Variants in PARD3B observed in about 807,000 individuals in gnomAD.
PARD3B encodes partitioning defective 3 homolog B.
Under a neutral mutation model 130.2 loss-of-function variants are expected in PARD3B, and 103 were observed. That is an observed-to-expected ratio of 0.79 (90% confidence interval 0.67 to 0.93). The LOEUF (loss-of-function observed/expected upper bound fraction) is 0.93. PARD3B is among the 40% of genes least tolerant of loss of function. The pLI, the probability that PARD3B is intolerant of heterozygous loss-of-function variation, is 0.00. For synonymous variants in PARD3B, 583 were observed against 553.2 expected (o/e 1.05, Z -0.76); for missense variants, 1,609 against 1,499.2 (o/e 1.07, Z -1.21).
At chr2:205,013,409 G>A (rs894393841) in intron 3 of PARD3B, among the ~76,000 whole-genome samples, 1 of 152,052 alleles carries the variant, frequency 6.6e-6, no homozygotes, top group Admixed American at 6.6e-5. Flanking sequence ...CTCCTGAGAA[G>A]TGGTATAATT....
At position 204,578,483 on chromosome 2, in the gene PARD3B, G is replaced by C. The variant is rs532327676; in HGVS notation, c.120+32364G>C. Reference sequence around the variant, plus strand: ...TATATTTTTTGTGTGTGTTGTACAAGAGTGACTTCATAAAAGGTGGCTCTT... The same window carrying C: ...TATATTTTTTGTGTGTGTTGTACAACAGTGACTTCATAAAAGGTGGCTCTT... On this transcript the variant is annotated intron_variant, in intron 1 of 22. Coordinates refer to ENST00000406610, the MANE Select transcript of PARD3B (RefSeq NM_001302769.2). Among the ~76,000 whole-genome samples, 13 of 152,298 alleles carry C rather than the reference G, an allele frequency of 8.5e-5. 1 individual carries two copies. In the South Asian group the frequency reaches 1.7e-3, roughly 19 times the overall value.
chr2:205,204,684 A>T lies in PARD3B; in HGVS notation c.2140+11364A>T, dbSNP rs1034587119. Among the ~76,000 whole-genome samples, 4 of 152,284 alleles carry T rather than the reference A, an allele frequency of 2.6e-5. No homozygotes were observed. The East Asian group carries it at 7.7e-4, about 29-fold the overall frequency. ...TCTGCGTGTGGCTAGCAATTTTCCCAACACCATTTATTAAATAGGGAATCC... is the reference window on the plus strand; with the variant it reads ...TCTGCGTGTGGCTAGCAATTTTCCCTACACCATTTATTAAATAGGGAATCC... On this transcript the variant is annotated intron_variant, in intron 15 of 22. Transcript: ENST00000406610.
chr2:205,057,552 T>G (rs917731528), intron 4 of PARD3B, among the ~76,000 whole-genome samples: 1 of 146,224 alleles, frequency 6.8e-6, no homozygotes, highest in Non-Finnish European at 1.5e-5. Flanking sequence ...TATGTGTATA[T>G]GTATATATAC....
Position 204,761,530 on chromosome 2 carries a change from A to G in PARD3B, c.222+75248A>G, listed in dbSNP as rs75482823. 7.3e-3 allele frequency among the ~76,000 whole-genome samples: 1,101 copies of G among 151,860 alleles called. 11 individuals are homozygous for G. Among genetic ancestry groups the G allele is most frequent in the African/African-American group, 0.025 (1,040 of 41,422 alleles). On this transcript the variant is annotated intron_variant, in intron 2 of 22. Transcript: ENST00000406610. Reference sequence around the variant, plus strand: ...ACTTCTGGGTTGGCTATATTTTCCCATTTATTAAATTCACCCATAGTTGTT... The same window carrying G: ...ACTTCTGGGTTGGCTATATTTTCCCGTTTATTAAATTCACCCATAGTTGTT...
chr2:204,763,585 A>G (rs976955207), intron 2 of PARD3B, among the ~76,000 whole-genome samples: 2 of 152,238 alleles, frequency 1.3e-5, no homozygotes, highest in African/African-American at 4.8e-5. Context: ...GCACTTTCTG[A>G]ACTTATTCCA....
chr2:205,132,664 A>G (rs114684916), intron 10 of PARD3B, among the ~76,000 whole-genome samples: 2 of 152,322 alleles, frequency 1.3e-5, no homozygotes, highest in African/African-American at 2.4e-5. Context: ...CTTAAGAACT[A>G]TAAAGAAATA....
chr2:205,143,989 G>C (rs1383990044), intron 10 of PARD3B, among the ~76,000 whole-genome samples: 1 of 152,090 alleles, frequency 6.6e-6, no homozygotes, highest in African/African-American at 2.4e-5. Context: ...GCATCCAGTT[G>C]GTGGATGGGA....
intron 2 of PARD3B, among the ~76,000 whole-genome samples, chr2:204,720,934 A>C (rs1227682014): frequency 6.6e-6 from 1 of 152,112 alleles, no homozygotes; most frequent in Non-Finnish European, 1.5e-5. Context: ...CTAGATTAAT[A>C]TAAGAAGTGT....
intron 21 of PARD3B, among the ~76,000 whole-genome samples, chr2:205,551,883 G>A (rs998813626): frequency 3.9e-5 from 6 of 152,118 alleles, no homozygotes; most frequent in African/African-American, 1.2e-4. Context: ...CTTCCCACCT[G>A]ATAGTCCAAG....
chr2:204,815,737 A>C (rs949352717), intron 2 of PARD3B, among the ~76,000 whole-genome samples: 7 of 152,096 alleles, frequency 4.6e-5, no homozygotes, highest in Admixed American at 4.6e-4. Flanking sequence ...CTCTGTACAA[A>C]GTACTTTCTA....
intron 14 of PARD3B, among the ~76,000 whole-genome samples, chr2:205,186,303 A>G (rs1284078648): frequency 6.6e-6 from 1 of 152,180 alleles, no homozygotes; most frequent in Non-Finnish European, 1.5e-5. Context: ...AAGCAACACC[A>G]TATATAATCT....
At chr2:204,821,997 GA>G (rs1458952507) in intron 2 of PARD3B, among the ~76,000 whole-genome samples, 13 of 152,108 alleles carry the variant, frequency 8.5e-5, no homozygotes. Flanking sequence ...TATTATTTGG[GA>G]AATACATTTC....
rs192529979 is a variant in PARD3B at position 204,727,635 on chromosome 2, G to A, written c.222+41353G>A. On this transcript the variant is annotated intron_variant, in intron 2 of 22. Transcript: ENST00000406610. ...GAAGCCAGAAACAGGCACTCCGAGG[G>A]AGAGGTAAAAGAAACAGGAATTTAT... Among the ~76,000 whole-genome samples, 78 of 152,296 alleles carry A rather than the reference G, an allele frequency of 5.1e-4. 2 individuals are homozygous for A. Among genetic ancestry groups the A allele is most frequent in the Non-Finnish European group, 9.7e-4 (66 of 68,028 alleles).
At position 205,078,372 on chromosome 2, in the gene PARD3B, T is replaced by G. The variant is rs2125504296; in HGVS notation, c.505-26054T>G. Among the ~76,000 whole-genome samples the G allele has an allele frequency of 6.6e-6, 1 of 152,328 alleles. No homozygotes were observed. The highest frequency in any genetic ancestry group is 2.4e-5 in the African/African-American group (1 of 41,590). ...ATAATTTTTATTAATTGTATGGTTTTCCTTTTATGTTTTCAGGTGAGAGTA... is the reference window on the plus strand; with the variant it reads ...ATAATTTTTATTAATTGTATGGTTTGCCTTTTATGTTTTCAGGTGAGAGTA... On this transcript the variant is annotated intron_variant, in intron 4 of 22. Coordinates refer to ENST00000406610, the MANE Select transcript of PARD3B (RefSeq NM_001302769.2). The surrounding 1 kb of genome is among the most constrained non-coding windows in gnomAD (Gnocchi z 4.0).
intron 2 of PARD3B, among the ~76,000 whole-genome samples, chr2:204,811,970 C>G (rs1258240721): frequency 6.6e-6 from 1 of 151,990 alleles, no homozygotes; most frequent in Non-Finnish European, 1.5e-5. Context: ...CATAAAAGTT[C>G]ACCGGAATTA....
At chr2:205,406,043 T>A (rs1408988641) in intron 19 of PARD3B, among the ~76,000 whole-genome samples, 1 of 152,140 alleles carries the variant, frequency 6.6e-6, no homozygotes, top group East Asian at 1.9e-4. Context: ...ATCCCGTGCC[T>A]CTCTCTCACA....
In PARD3B at chr2:205,473,208, C is replaced by T. The variant is rs550395835; in HGVS notation, c.3045-26688C>T. On this transcript the variant is annotated intron_variant, in intron 20 of 22. Transcript: ENST00000406610. The surrounding 1 kb of genome is among the most constrained non-coding windows in gnomAD (Gnocchi z 4.9). ...ATGATAATTCTCCACTGCTAGACCT[C>T]AGAAGACTCTCCCTTTCCCATTAAT... is the stretch of plus-strand genomic sequence containing the variant. Among the ~76,000 whole-genome samples the T allele has an allele frequency of 4.3e-4, 66 of 152,238 alleles. No individual in the cohort carries two copies. The highest frequency in any genetic ancestry group is 1.6e-3 in the African/African-American group (66 of 41,566).
At chr2:205,162,872 CA>C (rs1241661967) in intron 11 of PARD3B, among the ~76,000 whole-genome samples, 3 of 152,108 alleles carry the variant, frequency 2.0e-5, no homozygotes, top group Admixed American at 2.0e-4. Context: ...TTTTTATGTT[CA>C]TTTGCTAAAC....
At chr2:205,156,352 T>C (rs7590062) in intron 10 of PARD3B, among the ~76,000 whole-genome samples, 1 of 151,596 alleles carries the variant, frequency 6.6e-6, no homozygotes, top group Non-Finnish European at 1.5e-5. Context: ...GCATGGCACA[T>C]GTATACATAT....
Sources: allele counts gnomAD v4.1 joint callset (sites outside exome capture counted in the v4.1 genomes callset), GRCh38; gene constraint gnomAD v4.1.1; non-coding constraint Gnocchi (gnomAD v3.1); transcripts MANE v1.5; gene names NCBI Gene and HGNC (gene_info 2026-07-23, HGNC 2026-07-21).